The following CSRP1 variants were observed in gnomAD, a reference collection of about 807,000 sequenced individuals.
The protein encoded by CSRP1 is cysteine and glycine rich protein 1, also known as cysteine and glycine-rich protein 1.
In CSRP1, 16 loss-of-function variants were observed where a neutral mutation model predicts 25.4. The ratio of observed to expected loss-of-function variants is 0.63; its 90% CI spans 0.43 to 0.96. The LOEUF (loss-of-function observed/expected upper bound fraction) is 0.96. CSRP1 is among the 40% of genes least tolerant of loss of function. The pLI is 0.00. For missense variants in CSRP1, 212 were observed against 243.6 expected (o/e 0.87, Z 0.86); for synonymous variants, 97 against 95.3 (o/e 1.02, Z -0.10).
chr1:201,489,089 G>A (rs546970666), intron 3 of CSRP1, 105 bp from the exon 4 acceptor site: 46 of 1,454,910 alleles, frequency 3.2e-5, no homozygotes, highest in South Asian at 1.3e-4. Flanking sequence ...AGAGCAGCGC[G>A]CAATTCTCTC....
At chr1:201,495,370 G>T (rs944234851) in intron 2 of CSRP1, among the ~76,000 whole-genome samples, 2 of 152,178 alleles carry the variant, frequency 1.3e-5, no homozygotes, top group Non-Finnish European at 2.9e-5. Flanking sequence ...GACAGAGTGA[G>T]ACTCTGTCTT....
At position 201,484,501 on chromosome 1, in the gene CSRP1, T is replaced by A. The variant is rs1410580019; in HGVS notation, c.*212A>T. On this transcript the variant is annotated 3_prime_UTR_variant, in exon 6 of 6. Transcript: ENST00000340006. ...AAACACTGAGGTCTCCTACTGGTGA[T>A]GGTGTCAGATCCCAGGCCTGGGGAG... 1.5e-5 allele frequency: 9 copies of A among 585,104 alleles called. No homozygotes were observed. In the Admixed American group the frequency reaches 2.7e-4, roughly 18 times the overall value. The allele number at this position is 585,104 out of a possible 1,614,324, so 36.2% of individuals were successfully genotyped here. A position where few individuals can be genotyped will look rare whatever the true frequency, so the allele number is the denominator to read the frequency against.
chr1:201,500,507 C>A (rs1473168372), intron 1 of CSRP1, among the ~76,000 whole-genome samples: 3 of 152,272 alleles, frequency 2.0e-5, no homozygotes, highest in Non-Finnish European at 4.4e-5. Flanking sequence ...CTCTTTTGAG[C>A]CTGGTCATTT....
chr1:201,504,676 A>G (rs984895726), intron 1 of CSRP1, among the ~76,000 whole-genome samples: 2 of 152,148 alleles, frequency 1.3e-5, no homozygotes, highest in African/African-American at 2.4e-5. Context: ...TGCTAGGCGC[A>G]GTGGGTCATG....
chr1:201,500,637 G>A (rs1221815828), intron 1 of CSRP1, among the ~76,000 whole-genome samples: 1 of 152,266 alleles, frequency 6.6e-6, no homozygotes, highest in Non-Finnish European at 1.5e-5. Flanking sequence ...GGCAGTGCCT[G>A]TGGATGAGGT....
chr1:201,484,679 A>T lies in CSRP1; in HGVS notation c.*34T>A. 1.3e-6 allele frequency: 2 copies of T among 1,582,048 alleles called. No individual in the cohort carries two copies. Among genetic ancestry groups the T allele is most frequent in the Non-Finnish European group, 1.7e-6 (2 of 1,158,032 alleles). ...GGAATGGAATGGCGATGAAAAGCGC[A>T]GGAGTGGGCAGGGTGTGGTGGGTGA... On this transcript the variant is annotated 3_prime_UTR_variant, in exon 6 of 6. Coordinates refer to ENST00000340006, the MANE Select transcript of CSRP1 (RefSeq NM_004078.3).
intron 1 of CSRP1, among the ~76,000 whole-genome samples, chr1:201,497,484 C>A (rs1490049838): frequency 2.0e-5 from 3 of 151,378 alleles, no homozygotes; most frequent in African/African-American, 7.3e-5. Context: ...GAATTATAAC[C>A]TCTGAGAATG....
intron 2 of CSRP1, among the ~76,000 whole-genome samples, chr1:201,494,000 T>G (rs1231034793): frequency 1.3e-5 from 2 of 152,166 alleles, no homozygotes; most frequent in African/African-American, 4.8e-5. Context: ...GTCCACTTGG[T>G]GCTCTGATAT....
chr1:201,487,125 C>G (rs1435127681), intron 4 of CSRP1: 1 of 610,474 alleles, frequency 1.6e-6, no homozygotes, highest in African/African-American at 2.0e-5. Flanking sequence ...TTAAAACTGC[C>G]TTGTTGTTGG....
intron 5 of CSRP1, among the ~76,000 whole-genome samples, chr1:201,484,995 C>T (rs972067349): frequency 3.9e-5 from 6 of 151,940 alleles, no homozygotes; most frequent in African/African-American, 1.5e-4. Context: ...TACCCATTGC[C>T]CCTGCCACCA....
intron 5 of CSRP1, 45 bp downstream of exon 5, chr1:201,485,238 C>T: frequency 6.4e-7 from 1 of 1,563,182 alleles, no homozygotes. Context: ...AGCCCCCCTA[C>T]CCCCTTGGGC....
Position 201,484,610 on chromosome 1 carries a change from C to A in CSRP1, c.*103G>T. The stretch of plus-strand genomic sequence containing the variant: ...AGTTCAAGTCATTAGTGATATGTGG[C>A]AGGGCTGACAGAGAAATAATCCTGG... On this transcript the variant is annotated 3_prime_UTR_variant, in exon 6 of 6. Coordinates refer to ENST00000340006, the MANE Select transcript of CSRP1 (RefSeq NM_004078.3). The A allele has an allele frequency of 9.1e-7, 1 of 1,095,952 alleles. No homozygotes were observed. The highest frequency in any genetic ancestry group is 1.3e-6 in the Non-Finnish European group (1 of 747,568). The allele number at this position is 1,095,952 out of a possible 1,614,324, so 67.9% of individuals were successfully genotyped here. A position where few individuals can be genotyped will look rare whatever the true frequency, so the allele number is the denominator to read the frequency against.
intron 4 of CSRP1, chr1:201,486,423 G>A (rs2102402975): frequency 1.0e-6 from 1 of 985,580 alleles, no homozygotes; most frequent in Non-Finnish European, 1.2e-6. Flanking sequence ...GACACTCCCA[G>A]TGCCCAGGCT....
At chr1:201,495,543 C>T (rs946521492) in intron 2 of CSRP1, 25 of 152,392 alleles carry the variant, frequency 1.6e-4, no homozygotes, top group African/African-American at 5.0e-4. Context: ...TGCAGCATCA[C>T]GGTGTCAGGA....
At chr1:201,493,614 C>T (rs1664410947) in intron 2 of CSRP1, among the ~76,000 whole-genome samples, 1 of 152,196 alleles carries the variant, frequency 6.6e-6, no homozygotes, top group Non-Finnish European at 1.5e-5. Context: ...TCTTTATTAG[C>T]AGCATGAGAG....
chr1:201,484,219 AC>A lies in CSRP1; in HGVS notation c.*493del. On this transcript the variant is annotated 3_prime_UTR_variant, in exon 6 of 6. Coordinates refer to ENST00000340006, the MANE Select transcript of CSRP1 (RefSeq NM_004078.3). ...CCCTAAGCTGGGACTCCTCAGGCTT[AC>A]TCTGAGGGACACCAGGAAGCTCAAC... 1 of 515,020 alleles carries A rather than the reference AC, an allele frequency of 1.9e-6. No individual in the cohort carries two copies. The highest frequency in any genetic ancestry group is 2.8e-5 in the East Asian group (1 of 35,484). The allele number at this position is 515,020 out of a possible 1,614,324, so 31.9% of individuals were successfully genotyped here. A position where few individuals can be genotyped will look rare whatever the true frequency, so the allele number is the denominator to read the frequency against.
intron 1 of CSRP1, among the ~76,000 whole-genome samples, chr1:201,501,242 C>CTA (rs1410785129): frequency 6.6e-6 from 1 of 152,222 alleles, no homozygotes; most frequent in Non-Finnish European, 1.5e-5. Flanking sequence ...TGTGGGCCAG[C>CTA]CATCCACATG....
chr1:201,485,280 C>T lies in CSRP1; in HGVS notation c.505+3G>A, dbSNP rs753250734. On this transcript the variant is annotated splice_donor_region_variant and intron_variant, in intron 5 of 5. Coordinates refer to ENST00000340006, the MANE Select transcript of CSRP1 (RefSeq NM_004078.3). Reference sequence around the variant, plus strand: ...ACCCTCAATTAGAAGTGAAAACACCCACCTTTGCAGTAAATCTCGCCATCC... The same window carrying T: ...ACCCTCAATTAGAAGTGAAAACACCTACCTTTGCAGTAAATCTCGCCATCC... 14 of 1,613,926 alleles carry T rather than the reference C, an allele frequency of 8.7e-6. No homozygotes were observed. Among genetic ancestry groups the T allele is most frequent in the Non-Finnish European group, 1.2e-5 (14 of 1,179,948 alleles).
chr1:201,494,407 G>A (rs1238401998), intron 2 of CSRP1, among the ~76,000 whole-genome samples: 6 of 152,160 alleles, frequency 3.9e-5, no homozygotes, highest in South Asian at 2.1e-4. Flanking sequence ...AAAGATAAAC[G>A]GCTTGGAAAT....
Sources: allele counts gnomAD v4.1 joint callset (sites outside exome capture counted in the v4.1 genomes callset), GRCh38; gene constraint gnomAD v4.1.1; transcripts MANE v1.5; gene names NCBI Gene and HGNC (gene_info 2026-07-23, HGNC 2026-07-21).